STIM1: variants seen among roughly 807,000 people sequenced by gnomAD.
The protein encoded by STIM1 is stromal interaction molecule 1.
STIM1 carries 25 observed loss-of-function variants against 74.7 expected under a neutral mutation model. The observed-to-expected ratio is 0.33, with a 90% CI of 0.24 to 0.47. STIM1 has a LOEUF of 0.47. Among genes scored for constraint, STIM1 ranks in the 20% least tolerant of loss-of-function variants. STIM1 has a pLI of 1.00. For missense variants in STIM1, 728 were observed against 920.8 expected (o/e 0.79, Z 2.71); for synonymous variants, 328 against 348.8 (o/e 0.94, Z 0.66).
At position 4,083,463 on chromosome 11, in the gene STIM1, T is replaced by C. The variant is rs762820296; in HGVS notation, c.1439T>C (p.Met480Thr). Residue 480 changes from methionine to threonine, a missense_variant, in exon 10 of 13, where the codon ATG (methionine) becomes ACG (threonine). Physicochemically the swap from Met to Thr is moderately conservative, Grantham distance 81 (BLOSUM62 -1). This residue lies in a region of STIM1 where 352 missense variants were observed against 370.1 expected (regional missense o/e 0.95). Transcript: ENST00000526596. The stretch of plus-strand genomic sequence containing the variant: ...ATCATGACTGACGACGTGGATGACA[T>C]GGATGAGGAGATTGTGTCTCCCTTG... ...HFIMTDDVDD[M>T]DEEIVSPLSM... The C allele has an allele frequency of 3.2e-5, 51 of 1,614,094 alleles. 4 individuals carry two copies. In the South Asian group the frequency reaches 5.5e-4, roughly 17 times the overall value.
chr11:3,993,669 A>T (rs2093635269), intron 2 of STIM1, among the ~76,000 whole-genome samples: 8 of 152,080 alleles, frequency 5.3e-5, no homozygotes, highest in Admixed American at 4.6e-4. Context: ...AAAACAAAAA[A>T]CGAAACAAAA....
chr11:3,971,534 C>G (rs2093395487), intron 2 of STIM1, among the ~76,000 whole-genome samples: 1 of 150,070 alleles, frequency 6.7e-6, no homozygotes, highest in African/African-American at 2.5e-5. Context: ...GTCTCAAAAA[C>G]AAAAAAAACA....
chr11:3,983,089 G>A (rs1347262992), intron 2 of STIM1, among the ~76,000 whole-genome samples: 1 of 152,044 alleles, frequency 6.6e-6, no homozygotes, highest in Non-Finnish European at 1.5e-5. Context: ...GCACCACCAC[G>A]CCTGGCTAAT....
intron 2 of STIM1, among the ~76,000 whole-genome samples, chr11:4,015,689 C>T (rs1015275092): frequency 4.6e-5 from 7 of 152,306 alleles, no homozygotes; most frequent in Middle Eastern, 3.4e-3. Context: ...ACCAATCAGA[C>T]GTAGATTTGG....
At chr11:4,002,432 C>G (rs535830302) in intron 2 of STIM1, among the ~76,000 whole-genome samples, 4 of 152,248 alleles carry the variant, frequency 2.6e-5, no homozygotes, top group African/African-American at 7.2e-5. Flanking sequence ...GATTAAGAAA[C>G]TCACTCAGAA....
rs537978810 is a variant in STIM1 at position 3,880,318 on chromosome 11, T to G, written c.139+23909T>G. Among the ~76,000 whole-genome samples, 14 of 152,346 alleles carry G rather than the reference T, an allele frequency of 9.2e-5. No individual in the cohort carries two copies. In the South Asian group the frequency reaches 2.9e-3, roughly 32 times the overall value. ...AGCACCTGTGACCCTTGCAGGTTACTTCTCGTGTCTTGATTTCCAAGCATT... is the reference window on the plus strand; with the variant it reads ...AGCACCTGTGACCCTTGCAGGTTACGTCTCGTGTCTTGATTTCCAAGCATT... On this transcript the variant is annotated intron_variant, in intron 1 of 12. Coordinates refer to ENST00000526596, the MANE Select transcript of STIM1 (RefSeq NM_001382567.1).
At chr11:3,910,704 G>T (rs996416235) in intron 1 of STIM1, among the ~76,000 whole-genome samples, 2 of 151,918 alleles carry the variant, frequency 1.3e-5, no homozygotes, top group Non-Finnish European at 2.9e-5. Context: ...AAAACAGGCC[G>T]GGCGAGGTGG....
Position 4,059,408 on chromosome 11 carries a change from G to A in STIM1, c.613+12G>A, listed in dbSNP as rs2094314804. 3.1e-6 allele frequency: 5 copies of A among 1,609,218 alleles called. No individual in the cohort carries two copies. The East Asian group carries it at 1.1e-4, about 36-fold the overall frequency. ...TGGGCCTCCTCTCTGTGAGTCTTGT[G>A]TTGAGAAGGGCTACTGCTGTGCCAT... On this transcript the variant is annotated intron_variant, in intron 5 of 12. Transcript: ENST00000526596.
intron 1 of STIM1, among the ~76,000 whole-genome samples, chr11:3,900,467 C>A (rs185109441): frequency 2.0e-5 from 3 of 152,346 alleles, no homozygotes; most frequent in African/African-American, 7.2e-5. Context: ...GTCTGGCACT[C>A]CCCAGTGAGA....
At chr11:4,077,087 T>G (rs1260464534) in intron 7 of STIM1, among the ~76,000 whole-genome samples, 2 of 151,804 alleles carry the variant, frequency 1.3e-5, no homozygotes, top group Non-Finnish European at 2.9e-5. Flanking sequence ...TGAGAAAAGA[T>G]ATATGTTACA....
chr11:3,895,665 TCTTTCTTTCCTTCCTTCC>T (rs2092065619), intron 1 of STIM1, among the ~76,000 whole-genome samples: 3 of 34,462 alleles, frequency 8.7e-5, no homozygotes, highest in African/African-American at 4.1e-4. Context: ...TTTCTTTCTT[TCTTTCTTTCCTTCCTTCC>T]TTCTTTCTTT....
At chr11:4,067,167 A>C (rs991062378) in intron 5 of STIM1, among the ~76,000 whole-genome samples, 2 of 152,172 alleles carry the variant, frequency 1.3e-5, no homozygotes, top group African/African-American at 4.8e-5. Context: ...CTCTGTAGTA[A>C]CTCTAATGCA....
intron 1 of STIM1, among the ~76,000 whole-genome samples, chr11:3,940,410 G>A (rs536409185): frequency 6.6e-6 from 1 of 152,330 alleles, no homozygotes; most frequent in South Asian, 2.1e-4. Flanking sequence ...ATAAGGGGCT[G>A]AGAAGGTATA....
chr11:3,891,946 G>A (rs1231016953), intron 1 of STIM1, among the ~76,000 whole-genome samples: 1 of 152,172 alleles, frequency 6.6e-6, no homozygotes. Flanking sequence ...AGAAAACTTT[G>A]TTTACAAAAA....
chr11:4,067,945 C>A lies in STIM1; in HGVS notation c.614-2081C>A, dbSNP rs989117534. ...CTAGGAACCTTAAAGAGTAAATCAACCGTGTTAGAATCATCTTCTTTTATC... is the reference window on the plus strand; with the variant it reads ...CTAGGAACCTTAAAGAGTAAATCAAACGTGTTAGAATCATCTTCTTTTATC... On this transcript the variant is annotated intron_variant, in intron 5 of 12. Transcript: ENST00000526596. Among the ~76,000 whole-genome samples, 5 of 152,170 alleles carry A rather than the reference C, an allele frequency of 3.3e-5. No individual in the cohort carries two copies. In the South Asian group the frequency reaches 1.0e-3, roughly 32 times the overall value.
chr11:3,997,966 A>T (rs1590632818), intron 2 of STIM1, among the ~76,000 whole-genome samples: 1 of 152,182 alleles, frequency 6.6e-6, no homozygotes, highest in East Asian at 1.9e-4. Flanking sequence ...TTTATATAGC[A>T]AGCACTTAGA....
chr11:4,044,921 T>C (rs1264719577), intron 3 of STIM1, among the ~76,000 whole-genome samples: 1 of 152,178 alleles, frequency 6.6e-6, no homozygotes, highest in Non-Finnish European at 1.5e-5. Flanking sequence ...TGGCAGCATG[T>C]TACTGGCATC....
At chr11:4,054,520 A>G (rs2094272684) in intron 3 of STIM1, among the ~76,000 whole-genome samples, 1 of 152,212 alleles carries the variant, frequency 6.6e-6, no homozygotes, top group Admixed American at 6.5e-5. Context: ...TTGTCAGATC[A>G]GCAGTGGCAT....
intron 2 of STIM1, among the ~76,000 whole-genome samples, chr11:3,990,193 G>A (rs2135843435): frequency 6.6e-6 from 1 of 152,226 alleles, no homozygotes; most frequent in East Asian, 1.9e-4. Context: ...TGTTTTCAAG[G>A]TGCATTCATG....
Sources: allele counts gnomAD v4.1 joint callset (sites outside exome capture counted in the v4.1 genomes callset), GRCh38; gene constraint gnomAD v4.1.1; regional missense constraint gnomAD v4.1.1; transcripts MANE v1.5; gene names NCBI Gene and HGNC (gene_info 2026-07-23, HGNC 2026-07-21).